The following AGO2 variants were observed in gnomAD, a reference collection of about 807,000 sequenced individuals.
AGO2 encodes argonaute RISC catalytic component 2, also known as protein argonaute-2.
In AGO2, 5 loss-of-function variants were observed where a neutral mutation model predicts 102.3. The observed-to-expected ratio is 0.05, with a 90% CI of 0.03 to 0.10. The LOEUF (loss-of-function observed/expected upper bound fraction) is 0.10, where lower values mean the gene tolerates loss of function less well. Ranked by LOEUF, AGO2 falls within the 10% of genes least tolerant of loss-of-function variation. The pLI is 1.00. For missense variants in AGO2, 541 were observed against 1,183.7 expected, an observed-to-expected ratio of 0.46 and a Z score of 7.97; for synonymous variants, 449 against 473.1, an observed-to-expected ratio of 0.95 and a Z score of 0.66.
intron 7 of AGO2, 76 bp downstream of exon 7, chr8:140,558,409 C>G (rs1165978457): frequency 6.8e-7 from 1 of 1,474,346 alleles, no homozygotes. Context: ...GGCACAGAAT[C>G]ATGGCTCCAG....
chr8:140,580,815 G>A (rs538616901), intron 2 of AGO2, among the ~76,000 whole-genome samples: 3 of 152,246 alleles, frequency 2.0e-5, no homozygotes, highest in Non-Finnish European at 2.9e-5. Context: ...AGGTTCCTCC[G>A]TCTAGGCAGC....
In AGO2 at chr8:140,531,388, T is replaced by C. The variant is rs2072592151; in HGVS notation, c.*656A>G. ...AATGGCACTTGTCTGCCAACCTCTC[T>C]GGACCTGGAAATGCTGTAAACACAC... On this transcript the variant is annotated 3_prime_UTR_variant, in exon 19 of 19. Coordinates refer to ENST00000220592, the MANE Select transcript of AGO2 (RefSeq NM_012154.5). 1 of 152,640 alleles carries C rather than the reference T, an allele frequency of 6.6e-6. No individual in the cohort carries two copies. The highest frequency in any genetic ancestry group is 2.4e-5 in the African/African-American group (1 of 41,472). The allele number at this position is 152,640 out of a possible 1,614,324, so 9.5% of individuals were successfully genotyped here.
intron 16 of AGO2, among the ~76,000 whole-genome samples, chr8:140,536,503 T>C (rs2977466): frequency 0.29 from 44,195 of 151,828 alleles, 7,279 homozygotes; most frequent in African/African-American, 0.45. Flanking sequence ...ATTTTTGTAT[T>C]TTTAGTAGAG....
chr8:140,624,541 C>T (rs903620436), intron 1 of AGO2, among the ~76,000 whole-genome samples: 6 of 152,210 alleles, frequency 3.9e-5, no homozygotes, highest in African/African-American at 1.2e-4. Flanking sequence ...GATGCAGCTG[C>T]GGGAGACGGC....
At chr8:140,547,767 C>T in intron 12 of AGO2, 140 bp from the exon 13 acceptor site, 1 of 1,252,374 alleles carries the variant, frequency 8.0e-7, no homozygotes, top group Non-Finnish European at 1.1e-6. Flanking sequence ...GCGTGTCCCC[C>T]TCTGTCCGAG....
intron 1 of AGO2, among the ~76,000 whole-genome samples, chr8:140,632,948 C>T (rs1297282985): frequency 1.3e-5 from 2 of 150,802 alleles, no homozygotes; most frequent in Non-Finnish European, 2.9e-5. Context: ...AAGTCTCACT[C>T]TGTCCCCAGG....
chr8:140,624,894 T>G (rs1292159289), intron 1 of AGO2, among the ~76,000 whole-genome samples: 1 of 152,170 alleles, frequency 6.6e-6, no homozygotes, highest in Admixed American at 6.5e-5. Flanking sequence ...AGACAGACCA[T>G]GCTGGAGGCG....
At chr8:140,637,197 A>ATT (rs2074416010), upstream of AGO2, 1 of 152,186 alleles carries the variant, frequency 6.6e-6, no homozygotes, top group Non-Finnish European at 1.5e-5. Context: ...TTTCACGGAA[A>ATT]TTTTTAAATA....
chr8:140,613,699 C>T (rs891058351), intron 1 of AGO2, among the ~76,000 whole-genome samples: 5 of 152,100 alleles, frequency 3.3e-5, no homozygotes, highest in Non-Finnish European at 4.4e-5. Flanking sequence ...TGCAGAAATT[C>T]GGGTCTGGTT....
chr8:140,616,103 C>T (rs1403849366), intron 1 of AGO2, among the ~76,000 whole-genome samples: 1 of 152,144 alleles, frequency 6.6e-6, no homozygotes, highest in Admixed American at 6.5e-5. Context: ...GTACAAGAAC[C>T]CTTGTAACCA....
At chr8:140,605,993 A>G (rs141991509) in intron 1 of AGO2, 1 of 152,364 alleles carries the variant, frequency 6.6e-6, no homozygotes, top group African/African-American at 2.4e-5. Flanking sequence ...GAGGCTCCAA[A>G]TATACTCAAC....
In AGO2 at chr8:140,561,723, A is replaced by G. The variant is rs541569980; in HGVS notation, c.518+730T>C. 5.3e-5 allele frequency among the ~76,000 whole-genome samples: 8 copies of G among 152,028 alleles called. No homozygotes were observed. The South Asian group carries it at 1.7e-3, about 32-fold the overall frequency. On this transcript the variant is annotated intron_variant, in intron 4 of 18. Coordinates refer to ENST00000220592, the MANE Select transcript of AGO2 (RefSeq NM_012154.5). ...CTTCTCTTCTATGAGGGAAGCCCCA[A>G]CTCTCTCCTGGAATCTTAAAGCTTT...
intron 1 of AGO2, among the ~76,000 whole-genome samples, chr8:140,630,998 G>A (rs2074334280): frequency 6.6e-6 from 1 of 152,180 alleles, no homozygotes; most frequent in Admixed American, 6.5e-5. Context: ...AGGCCGCAGT[G>A]AGCCATGACT....
chr8:140,572,976 G>A (rs2073406694), intron 2 of AGO2, 44 bp from the exon 3 acceptor site: 3 of 1,570,734 alleles, frequency 1.9e-6, no homozygotes, highest in Non-Finnish European at 2.6e-6. Flanking sequence ...ATAAAATGGA[G>A]AAAATGGCAT....
chr8:140,600,070 G>A (rs1213570530), intron 1 of AGO2, among the ~76,000 whole-genome samples: 1 of 152,230 alleles, frequency 6.6e-6, no homozygotes, highest in Non-Finnish European at 1.5e-5. Context: ...TGCAGACGAC[G>A]TGACAGCCTC....
intron 1 of AGO2, among the ~76,000 whole-genome samples, chr8:140,593,832 G>A (rs545755728): frequency 3.7e-4 from 57 of 152,072 alleles, no homozygotes; most frequent in Non-Finnish European, 3.8e-4. Context: ...TTCACACACA[G>A]CACTCACGGC....
intron 1 of AGO2, among the ~76,000 whole-genome samples, chr8:140,610,368 C>A (rs527926758): frequency 6.6e-6 from 1 of 152,218 alleles, no homozygotes; most frequent in South Asian, 2.1e-4. Flanking sequence ...CAGGTGCCCA[C>A]CACCATGCCC....
At position 140,589,619 on chromosome 8, in the gene AGO2, C is replaced by T. The variant is rs890535012; in HGVS notation, c.23-4308G>A. Among the ~76,000 whole-genome samples, 5 of 152,180 alleles carry T rather than the reference C, an allele frequency of 3.3e-5. No homozygotes were observed. The highest frequency in any genetic ancestry group is 7.3e-5 in the Non-Finnish European group (5 of 68,032). The stretch of plus-strand genomic sequence containing the variant: ...TCCTCCTAGAACTCTGCATTCATTA[C>T]ACTGGGCATCAGCCAGAAAACGTGC... On this transcript the variant is annotated intron_variant, in intron 1 of 18. Coordinates refer to ENST00000220592, the MANE Select transcript of AGO2 (RefSeq NM_012154.5). This position sits in a 1 kb window ranked among gnomAD's most constrained non-coding sequence, Gnocchi z 4.2.
intron 4 of AGO2, among the ~76,000 whole-genome samples, chr8:140,560,912 GCCAGCCCCAGCCAGGC>G (rs2073188291): frequency 1.3e-5 from 2 of 152,194 alleles, no homozygotes; most frequent in Admixed American, 1.3e-4. Context: ...CCTGCCAAGT[GCCAGCCCCAGCCAGGC>G]CCAGCCCCAG....
Sources: allele counts gnomAD v4.1 joint callset (sites outside exome capture counted in the v4.1 genomes callset), GRCh38; gene constraint gnomAD v4.1.1; non-coding constraint Gnocchi (gnomAD v3.1); transcripts MANE v1.5; gene names NCBI Gene and HGNC (gene_info 2026-07-23, HGNC 2026-07-21).